The following FCGRT variants were observed in gnomAD, a reference collection of about 807,000 sequenced individuals.
FCGRT encodes the protein Fc gamma receptor and transporter.
In FCGRT, 13 loss-of-function variants were observed where a neutral mutation model predicts 35.7. The ratio of observed to expected loss-of-function variants is 0.36; its 90% CI spans 0.24 to 0.58. The LOEUF is 0.58. Ranked by LOEUF, FCGRT falls within the 20% of genes least tolerant of loss-of-function variation. FCGRT has a pLI of 0.77. For missense variants in FCGRT, 455 were observed against 474.9 expected (o/e 0.96, Z 0.39); for synonymous variants, 233 against 216.5 (o/e 1.08, Z -0.67).
At position 49,526,004 on chromosome 19, in the gene FCGRT, C is replaced by A; in HGVS notation, c.989-6C>A. The A allele has an allele frequency of 6.3e-7, 1 of 1,584,254 alleles. No individual in the cohort carries two copies. Among genetic ancestry groups the A allele is most frequent in the Non-Finnish European group, 8.7e-7 (1 of 1,153,406 alleles). On this transcript the variant is annotated splice_region_variant and splice_polypyrimidine_tract_variant and intron_variant, in intron 6 of 6. Transcript: ENST00000221466. ...TGATGACCTCTCCCTCTCTCTCTCTCCTCAGCCCCTTGGATCTCCCTTCGT... is the reference window on the plus strand; with the variant it reads ...TGATGACCTCTCCCTCTCTCTCTCTACTCAGCCCCTTGGATCTCCCTTCGT...
At chr19:49,524,114 G>C (rs935782310) in intron 4 of FCGRT, among the ~76,000 whole-genome samples, 1 of 151,484 alleles carries the variant, frequency 6.6e-6, no homozygotes, top group Non-Finnish European at 1.5e-5. Flanking sequence ...TGCCTCCCAG[G>C]TTCAAGCAAT....
At chr19:49,523,306 T>G (rs537490045) in intron 4 of FCGRT, among the ~76,000 whole-genome samples, 1 of 151,988 alleles carries the variant, frequency 6.6e-6, no homozygotes, top group Non-Finnish European at 1.5e-5. Flanking sequence ...TGGTGCATCA[T>G]GCCTGTAATC....
At chr19:49,525,903 A>G (rs2080073536) in intron 6 of FCGRT, 107 bp from the exon 7 acceptor site, 1 of 797,404 alleles carries the variant, frequency 1.3e-6, no homozygotes, top group Non-Finnish European at 2.2e-6. Context: ...GGAAGGGGAT[A>G]GAGACTGAGG....
intron 4 of FCGRT, among the ~76,000 whole-genome samples, chr19:49,522,072 ATTTTTT>A: frequency 7.0e-6 from 1 of 142,736 alleles, no homozygotes; most frequent in African/African-American, 2.6e-5. Flanking sequence ...AAGTTTATGA[ATTTTTT>A]TTTTTTTTTT....
intron 6 of FCGRT, 185 bp from the exon 7 acceptor site, chr19:49,525,825 G>T: frequency 1.5e-6 from 1 of 667,734 alleles, no homozygotes; most frequent in South Asian, 1.7e-5. Flanking sequence ...CAGACCCAGA[G>T]GAGGGAGGCA....
chr19:49,516,142 G>T lies in FCGRT; in HGVS notation c.601+1656G>T, dbSNP rs1224891292. The T allele has an allele frequency of 1.1e-5, 5 of 453,572 alleles. No homozygotes were observed. The Admixed American group carries it at 1.2e-4, about 11-fold the overall frequency. The allele number at this position is 453,572 out of a possible 1,614,324, so 28.1% of individuals were successfully genotyped here. A position where few individuals can be genotyped will look rare whatever the true frequency, so the allele number is the denominator to read the frequency against. On this transcript the variant is annotated intron_variant, in intron 4 of 6. Transcript: ENST00000221466. ...GCTGGACAAAGATAGATACCAGCTGGGGATGTGCACAGATATTCATTCCAA... is the reference window on the plus strand; with the variant it reads ...GCTGGACAAAGATAGATACCAGCTGTGGATGTGCACAGATATTCATTCCAA...
chr19:49,525,042 C>G, intron 5 of FCGRT: 1 of 623,440 alleles, frequency 1.6e-6, no homozygotes. Flanking sequence ...GTCTGACCAT[C>G]TTCCATCCTG....
At chr19:49,520,194 A>G (rs1375483981) in intron 4 of FCGRT, among the ~76,000 whole-genome samples, 1 of 140,952 alleles carries the variant, frequency 7.1e-6, no homozygotes, top group African/African-American at 2.7e-5. Flanking sequence ...CAGTAGCACG[A>G]TCTCGGCTCA....
chr19:49,516,810 C>T (rs1045379242), intron 4 of FCGRT, among the ~76,000 whole-genome samples: 4 of 152,170 alleles, frequency 2.6e-5, no homozygotes, highest in African/African-American at 7.2e-5. Context: ...CCTACCTTGG[C>T]CTCCCAAAGT....
chr19:49,524,675 T>A lies in FCGRT; in HGVS notation c.770T>A (p.Phe257Tyr). 2 of 1,605,064 alleles carry A rather than the reference T, an allele frequency of 1.2e-6. No individual in the cohort carries two copies. Among genetic ancestry groups the A allele is most frequent in the Middle Eastern group, 1.6e-4 (1 of 6,062 alleles). ...TTCGGCCCCAACAGTGACGGATCCT[T>A]CCACGCCTCGTCGTCACTAACAGTC... Reference protein sequence around the residue: ...GDFGPNSDGSFHASSSLTVKS... With the variant: ...GDFGPNSDGSYHASSSLTVKS... The change falls in exon 5 of 7, where the codon TTC becomes TAC. Residue 257 changes from phenylalanine to tyrosine, a missense_variant. Around this residue, in one of 3 missense-constraint regions of FCGRT, gnomAD observed 312 missense variants for 296.1 expected, o/e 1.05. Coordinates refer to ENST00000221466, the MANE Select transcript of FCGRT (RefSeq NM_001136019.3).
At position 49,514,505 on chromosome 19, in the gene FCGRT, C is replaced by T. The variant is rs1601187537; in HGVS notation, c.601+19C>T. 3 of 1,531,110 alleles carry T rather than the reference C, an allele frequency of 2.0e-6. No individual in the cohort carries two copies. The highest frequency in any genetic ancestry group is 2.6e-6 in the Non-Finnish European group (3 of 1,137,604). 94.8% of individuals were successfully genotyped at this position (1,531,110 alleles called of 1,614,324 possible). A position where few individuals can be genotyped will look rare whatever the true frequency, so the allele number is the denominator to read the frequency against. On this transcript the variant is annotated intron_variant, in intron 4 of 6. Transcript: ENST00000221466. ...TGGAAGGGTGAGCCGGATCTGCAGC[C>T]GCAGGCTGTTCTGTCCTCTCTCCCG... is the stretch of plus-strand genomic sequence containing the variant.
rs758254772 is a variant in FCGRT, at chr19:49,514,499, T to A, written c.601+13T>A. On this transcript the variant is annotated intron_variant, in intron 4 of 6. Coordinates refer to ENST00000221466, the MANE Select transcript of FCGRT (RefSeq NM_001136019.3). ...CTGGAGTGGAAGGGTGAGCCGGATC[T>A]GCAGCCGCAGGCTGTTCTGTCCTCT... 1 of 1,534,422 alleles carries A rather than the reference T, an allele frequency of 6.5e-7. No individual in the cohort carries two copies. Among genetic ancestry groups the A allele is most frequent in the Non-Finnish European group, 8.8e-7 (1 of 1,138,758 alleles).
chr19:49,524,668 G>A lies in FCGRT; in HGVS notation c.763G>A (p.Gly255Arg). 1.2e-6 allele frequency: 2 copies of A among 1,605,864 alleles called. No individual in the cohort carries two copies. The highest frequency in any genetic ancestry group is 1.7e-6 in the Non-Finnish European group (2 of 1,179,976). The change falls in exon 5 of 7, where the codon GGA becomes AGA. Residue 255 changes from glycine (G) to arginine (R), a missense_variant. This residue lies in a region of FCGRT where 312 missense variants were observed against 296.1 expected (regional missense o/e 1.05). Coordinates refer to ENST00000221466, the MANE Select transcript of FCGRT (RefSeq NM_001136019.3). ...GGGTGACTTCGGCCCCAACAGTGAC[G>A]GATCCTTCCACGCCTCGTCGTCACT... ...GQGDFGPNSD[G>R]SFHASSSLTV...
intron 4 of FCGRT, chr19:49,516,190 A>T (rs1029839242): frequency 2.2e-6 from 1 of 450,298 alleles, no homozygotes; most frequent in Non-Finnish European, 4.4e-6. Context: ...AGAAGTTGAG[A>T]CTCAACCAGG....
intron 4 of FCGRT, among the ~76,000 whole-genome samples, chr19:49,516,546 T>C (rs56175542): frequency 0.14 from 20,831 of 151,366 alleles, 2,047 homozygotes; most frequent in African/African-American, 0.27. Flanking sequence ...CCACTGCTCC[T>C]GGCCTTTGTT....
chr19:49,525,758 C>G (rs1014633192), intron 6 of FCGRT, among the ~76,000 whole-genome samples, 185 bp downstream of exon 6: 1 of 147,172 alleles, frequency 6.8e-6, no homozygotes, highest in South Asian at 2.2e-4. Context: ...GACCCAGAGA[C>G]GGGGGAACAG....
chr19:49,524,883 T>A, intron 5 of FCGRT, 107 bp downstream of exon 5: 1 of 1,123,404 alleles, frequency 8.9e-7, no homozygotes, highest in Non-Finnish European at 1.3e-6. Context: ...GCCACCTCCT[T>A]GAATCTGACT....
At chr19:49,518,573 G>T (rs903602353) in intron 4 of FCGRT, among the ~76,000 whole-genome samples, 2 of 152,070 alleles carry the variant, frequency 1.3e-5, no homozygotes, top group South Asian at 4.1e-4. Context: ...TTACTCTGTC[G>T]CCCAGACTGG....
rs780617358 is a variant in FCGRT at position 49,526,170 on chromosome 19, G to C, written c.*51G>C. 4 of 1,202,322 alleles carry C rather than the reference G, an allele frequency of 3.3e-6. No individual in the cohort carries two copies. The highest frequency in any genetic ancestry group is 5.0e-6 in the Non-Finnish European group (4 of 807,752). 74.5% of individuals were successfully genotyped at this position (1,202,322 alleles called of 1,614,324 possible). A position where few individuals can be genotyped will look rare whatever the true frequency, so the allele number is the denominator to read the frequency against. ...GCGAATGTAGTCAGGCCCCTTTCATGCTGTGAGACCTCCTGGAACACTGGC... is the reference window on the plus strand; with the variant it reads ...GCGAATGTAGTCAGGCCCCTTTCATCCTGTGAGACCTCCTGGAACACTGGC... On this transcript the variant is annotated 3_prime_UTR_variant, in exon 7 of 7. Transcript: ENST00000221466.
Sources: allele counts gnomAD v4.1 joint callset (sites outside exome capture counted in the v4.1 genomes callset), GRCh38; gene constraint gnomAD v4.1.1; regional missense constraint gnomAD v4.1.1; transcripts MANE v1.5; gene names NCBI Gene and HGNC (gene_info 2026-07-23, HGNC 2026-07-21).